The following TIAM1 variants were observed in gnomAD, a reference collection of about 807,000 sequenced individuals.
TIAM1 encodes the protein TIAM Rac1 associated GEF 1.
A neutral mutation model predicts 163.5 loss-of-function variants in TIAM1; 65 were observed. That is an observed-to-expected ratio of 0.40 (90% CI 0.33 to 0.49). The LOEUF is 0.49. Among genes scored for constraint, TIAM1 ranks in the 20% least tolerant of loss-of-function variants. The pLI is 0.77. For missense variants in TIAM1, 1,789 were observed against 2,044.7 expected, an observed-to-expected ratio of 0.87 and a Z score of 2.41; for synonymous variants, 833 against 810.1, an observed-to-expected ratio of 1.03 and a Z score of -0.48.
intron 7 of TIAM1, among the ~76,000 whole-genome samples, chr21:31,224,457 G>A (rs2146628030): frequency 6.6e-6 from 1 of 152,288 alleles, no homozygotes; most frequent in East Asian, 1.9e-4. Context: ...TCCAAAACAT[G>A]AAGCTCAGGG....
intron 8 of TIAM1, 44 bp downstream of exon 8, chr21:31,223,362 C>G (rs569005921): frequency 1.7e-5 from 26 of 1,557,592 alleles, no homozygotes; most frequent in Non-Finnish European, 2.0e-5. Context: ...CAGGATTAAG[C>G]GTCAAGCTTA....
intron 1 of TIAM1, among the ~76,000 whole-genome samples, chr21:31,521,658 G>A (rs551173350): frequency 1.3e-5 from 2 of 151,968 alleles, no homozygotes; most frequent in South Asian, 2.1e-4. Context: ...GATTGCTTGA[G>A]CCCGGGAGTT....
chr21:31,304,638 G>T (rs1284446384), intron 2 of TIAM1, among the ~76,000 whole-genome samples: 1 of 152,180 alleles, frequency 6.6e-6, no homozygotes, highest in African/African-American at 2.4e-5. Context: ...TTCAGTCTTA[G>T]TAAATCCTGA....
rs1179116607 is a variant in TIAM1, at chr21:31,395,180, G to A, written c.-368-55758C>T. 4.0e-5 allele frequency among the ~76,000 whole-genome samples: 6 copies of A among 151,884 alleles called. No individual in the cohort carries two copies. Among genetic ancestry groups the A allele is most frequent in the East Asian group, 1.9e-4 (1 of 5,162 alleles). Reference sequence around the variant, plus strand: ...TTGAGCCTGGGAGGCAGAGGTTGCAGTAAGCTGAGATCGCGCCACCACACT... The same window carrying A: ...TTGAGCCTGGGAGGCAGAGGTTGCAATAAGCTGAGATCGCGCCACCACACT... On this transcript the variant is annotated intron_variant, in intron 2 of 28. Coordinates refer to the TIAM1 transcript ENST00000286827. This position sits in a 1 kb window ranked among gnomAD's most constrained non-coding sequence, Gnocchi z 7.5.
chr21:31,122,753 C>A (rs539838686), intron 27 of TIAM1, among the ~76,000 whole-genome samples: 501 of 152,274 alleles, frequency 3.3e-3, no homozygotes, highest in African/African-American at 0.011. Flanking sequence ...AAATAAACTA[C>A]CTGAGTATTC....
intron 15 of TIAM1, among the ~76,000 whole-genome samples, chr21:31,175,010 A>G (rs1370173939): frequency 2.6e-5 from 4 of 152,072 alleles, no homozygotes; most frequent in Non-Finnish European, 4.4e-5. Flanking sequence ...TGGTATGATC[A>G]AGGATCTCTG....
At chr21:31,305,557 C>A (rs775908475) in intron 2 of TIAM1, among the ~76,000 whole-genome samples, 1 of 152,208 alleles carries the variant, frequency 6.6e-6, no homozygotes, top group South Asian at 2.1e-4. Context: ...CTCACCCACA[C>A]CTCTCTTTAA....
In TIAM1 at chr21:31,266,737, T is replaced by C. The variant is rs1365483151; in HGVS notation, c.236A>G (p.Asp79Gly). ...AENGLEPFSQ[D>G]GTLEDFGSPI... ...GCTCCCGAAGTCTTCTAGGGTACCA[T>C]CTTGGGAGAAGGGCTCCAGGCCATT... Residue 79 changes from aspartate (D) to glycine (G), a missense_variant, in exon 4 of 28, where the codon GAT becomes GGT. By Grantham distance (94) the Asp-to-Gly change is moderately conservative (BLOSUM62 -1). Coordinates refer to ENST00000541036, the MANE Select transcript of TIAM1 (RefSeq NM_001353694.2). 6.2e-7 allele frequency: 1 copy of C among 1,614,154 alleles called. No homozygotes were observed. Among genetic ancestry groups the C allele is most frequent in the Non-Finnish European group, 8.5e-7 (1 of 1,180,036 alleles).
At chr21:31,552,861 G>A (rs1437640828) in intron 1 of TIAM1, among the ~76,000 whole-genome samples, 1 of 152,156 alleles carries the variant, frequency 6.6e-6, no homozygotes, top group African/African-American at 2.4e-5. Flanking sequence ...TCATAAAAAG[G>A]TCAAAACTCT....
At chr21:31,123,655 C>T (rs540563128) in intron 27 of TIAM1, among the ~76,000 whole-genome samples, 11 of 152,274 alleles carry the variant, frequency 7.2e-5, no homozygotes, top group African/African-American at 1.7e-4. Flanking sequence ...GTAATGGGTA[C>T]AAAGGCCAGA....
chr21:31,462,485 G>A lies in TIAM1; in HGVS notation c.-369+1498C>T, dbSNP rs117092491. 9.2e-3 allele frequency among the ~76,000 whole-genome samples: 1,406 copies of A among 152,256 alleles called. 16 individuals are homozygous for A. The highest frequency in any genetic ancestry group is 0.045 in the South Asian group (215 of 4,814). ...ATTCTTGTAAGACAAAAACCAAGTC[G>A]AGAGATATTAGGTTGGTGCAAAAGT... On this transcript the variant is annotated intron_variant, in intron 2 of 28. Coordinates refer to the TIAM1 transcript ENST00000286827.
intron 1 of TIAM1, among the ~76,000 whole-genome samples, chr21:31,519,867 T>G (rs112958485): frequency 7.9e-5 from 12 of 152,126 alleles, no homozygotes; most frequent in African/African-American, 1.4e-4. Flanking sequence ...AGATAGAAAG[T>G]AGAATGGCGG....
chr21:31,175,850 C>T (rs1273958217), intron 15 of TIAM1, among the ~76,000 whole-genome samples: 8 of 152,150 alleles, frequency 5.3e-5, no homozygotes, highest in African/African-American at 1.4e-4. Flanking sequence ...CCACCTGCCT[C>T]GGCCTCCCAA....
chr21:31,171,051 A>C (rs907880429), intron 15 of TIAM1, among the ~76,000 whole-genome samples: 22 of 151,008 alleles, frequency 1.5e-4, no homozygotes, highest in Admixed American at 3.3e-4. Context: ...AAAAAAAAAA[A>C]AAAAAAAAAA....
intron 13 of TIAM1, among the ~76,000 whole-genome samples, chr21:31,190,703 A>T (rs1315166821): frequency 6.6e-6 from 1 of 152,180 alleles, no homozygotes; most frequent in Non-Finnish European, 1.5e-5. Flanking sequence ...ATGTAACTGG[A>T]TATGTGAACT....
At chr21:31,482,725 G>A (rs2046153939) in intron 1 of TIAM1, among the ~76,000 whole-genome samples, 1 of 152,104 alleles carries the variant, frequency 6.6e-6, no homozygotes, top group Non-Finnish European at 1.5e-5. Flanking sequence ...ATGTGCATCT[G>A]GTAAAGTGAA....
chr21:31,141,556 T>C lies in TIAM1; in HGVS notation c.3476-52A>G. 3 of 1,578,348 alleles carry C rather than the reference T, an allele frequency of 1.9e-6. No individual in the cohort carries two copies. Among genetic ancestry groups the C allele is most frequent in the Non-Finnish European group, 2.6e-6 (3 of 1,159,192 alleles). On this transcript the variant is annotated intron_variant, in intron 20 of 27. Coordinates refer to ENST00000541036, the MANE Select transcript of TIAM1 (RefSeq NM_001353694.2). The surrounding 1 kb of genome is among the most constrained non-coding windows in gnomAD (Gnocchi z 4.7). ...GGGGTGGAACGCCCACGTGACTCCC[T>C]TCCCACAATTTCCCTCCCTTCCTCA...
At chr21:31,358,209 G>A (rs1050074420) in intron 2 of TIAM1, among the ~76,000 whole-genome samples, 5 of 152,168 alleles carry the variant, frequency 3.3e-5, no homozygotes, top group African/African-American at 1.2e-4. Context: ...GGTCATATCA[G>A]CCTCTGCAGG....
chr21:31,145,536 T>C (rs2083069243), intron 20 of TIAM1, among the ~76,000 whole-genome samples: 2 of 152,178 alleles, frequency 1.3e-5, no homozygotes, highest in Admixed American at 1.3e-4. Flanking sequence ...AAAACCACCA[T>C]ATGCTGAACT....
Sources: gnomAD v4.1 joint callset for allele counts (sites outside exome capture counted in the v4.1 genomes callset) on GRCh38, gnomAD v4.1.1 for gene constraint, Gnocchi (gnomAD v3.1) non-coding constraint, MANE v1.5 for transcripts, NCBI Gene and HGNC (gene_info 2026-07-23, HGNC 2026-07-21) for gene names.